SEC14L3: variants seen among roughly 807,000 people sequenced by gnomAD.
SEC14L3 encodes SEC14-like protein 3.
In SEC14L3, 56 loss-of-function variants were observed where a neutral mutation model predicts 57.4. The observed-to-expected ratio is 0.97, with a 90% CI of 0.79 to 1.22. The LOEUF is 1.22. Ranked by LOEUF, SEC14L3 falls within the 50% of genes most tolerant of loss-of-function variation. The pLI is 0.00. For synonymous variants in SEC14L3, 173 were observed against 194.4 expected (o/e 0.89, Z 0.92); for missense variants, 485 against 511.7 (o/e 0.95, Z 0.50).
At chr22:30,454,765 TA>T (rs1935062817), downstream of SEC14L3, among the ~76,000 whole-genome samples, 2 of 83,070 alleles carry the variant, frequency 2.4e-5, no homozygotes, top group African/African-American at 1.0e-4. Flanking sequence ...TAATATATAA[TA>T]TATAATATAT....
intron 4 of SEC14L3, 101 bp from the exon 5 acceptor site, chr22:30,468,797 A>G: frequency 3.1e-6 from 5 of 1,605,968 alleles, no homozygotes; most frequent in Non-Finnish European, 4.3e-6. Flanking sequence ...ACCATGGTAT[A>G]AAAAGCACTG....
rs369303021 is a variant in SEC14L3, at chr22:30,461,347, G to C, written c.1044C>G (p.Pro348=). The C allele has an allele frequency of 1.9e-6, 3 of 1,610,900 alleles. No individual in the cohort carries two copies. The highest frequency in any genetic ancestry group is 2.5e-6 in the Non-Finnish European group (3 of 1,178,464). Residue 348 remains proline, a synonymous_variant, in exon 11 of 12, where the codon CCC becomes CCG. Transcript: ENST00000215812. ...CTGAGCAGGTGAGGTTCCCATCCTCGGGCACCATGTGGGCGTTATAGCGCT... is the reference window on the plus strand; with the variant it reads ...CTGAGCAGGTGAGGTTCCCATCCTCCGGCACCATGTGGGCGTTATAGCGCT... ...PSQRYNAHMV[P]EDGNLTCSEA...
intron 12 of SEC14L3, among the ~76,000 whole-genome samples, chr22:30,454,059 T>G (rs893804314): frequency 7.9e-5 from 12 of 152,172 alleles, no homozygotes; most frequent in Non-Finnish European, 1.5e-5. Context: ...CAGGCACTCC[T>G]GGCCTTTGTT....
Position 30,466,986 on chromosome 22 carries a change from T to A in SEC14L3, c.515A>T (p.Gln172Leu). ...HFWKPLVEVY[Q>L]EFFGLLEENY... ...GGCCCTAGGACTTCTCCTTACCTCC[T>A]GGTACACTTCTACCAGAGGTTTCCA... is the stretch of plus-strand genomic sequence containing the variant. Residue 172 changes from glutamine to leucine, a missense_variant, in exon 6 of 12, where the codon CAG (glutamine) becomes CTG (leucine). Gln to Leu is a moderately radical substitution (Grantham distance 113). Transcript: ENST00000215812. 1 of 1,613,802 alleles carries A rather than the reference T, an allele frequency of 6.2e-7. No homozygotes were observed. The highest frequency in any genetic ancestry group is 8.5e-7 in the Non-Finnish European group (1 of 1,179,884).
rs1935495457 is a variant in SEC14L3 at position 30,468,519 on chromosome 22, G to A, written c.412C>T (p.Gln138Ter). 1 of 1,611,354 alleles carries A rather than the reference G, an allele frequency of 6.2e-7. No individual in the cohort carries two copies. The highest frequency in any genetic ancestry group is 8.5e-7 in the Non-Finnish European group (1 of 1,178,164). ...GGCCTGGACCTCACCCTCTCTGTCT[G>A]CAGGTCACACTCATGCAGGATGCGC... ...CERILHECDL[Q>*]TERLGKKIET... Residue 138 changes from glutamine (Q) to a stop codon, truncating the protein, a stop_gained, in exon 5 of 12, where the codon CAG becomes TAG. Transcript: ENST00000215812. LOFTEE classifies it high-confidence loss of function.
chr22:30,463,708 G>A (rs1012786900), intron 8 of SEC14L3, among the ~76,000 whole-genome samples: 1 of 152,192 alleles, frequency 6.6e-6, no homozygotes, highest in Non-Finnish European at 1.5e-5. Context: ...CTGCTTGGGA[G>A]AAGTTTTCCT....
chr22:30,454,543 T>TTATTATATATAATCTATAATAA (rs1569224935), downstream of SEC14L3, among the ~76,000 whole-genome samples: 1 of 116,428 alleles, frequency 8.6e-6, no homozygotes, highest in African/African-American at 3.6e-5. Flanking sequence ...TATAATAATA[T>TTATTATATATAATCTATAATAA]TATATATAAT....
At chr22:30,451,884 C>T (rs544029912) in intron 12 of SEC14L3, among the ~76,000 whole-genome samples, 40 of 147,198 alleles carry the variant, frequency 2.7e-4, no homozygotes, top group African/African-American at 9.3e-4. Context: ...CCCAGCTACT[C>T]GGGAGGCTGA....
At chr22:30,454,087 AC>A (rs1470867328) in intron 12 of SEC14L3, among the ~76,000 whole-genome samples, 5 of 151,790 alleles carry the variant, frequency 3.3e-5, no homozygotes, top group Non-Finnish European at 7.4e-5. Flanking sequence ...CTCTGGACTC[AC>A]CCTAGCTGTC....
chr22:30,461,487 G>C lies in SEC14L3; in HGVS notation c.912-8C>G. ...TCAGATGAGAACTGCCACCTGTCAGGGGGAGGGGGAGGAGACAGGTTGCTG... is the reference window on the plus strand; with the variant it reads ...TCAGATGAGAACTGCCACCTGTCAGCGGGAGGGGGAGGAGACAGGTTGCTG... On this transcript the variant is annotated splice_region_variant and splice_polypyrimidine_tract_variant and intron_variant, in intron 10 of 11. Transcript: ENST00000215812. The C allele has an allele frequency of 1.9e-6, 3 of 1,611,418 alleles. No homozygotes were observed. Among genetic ancestry groups the C allele is most frequent in the Non-Finnish European group, 1.7e-6 (2 of 1,177,866 alleles).
At chr22:30,456,099 C>T (rs1183100545), downstream of SEC14L3, among the ~76,000 whole-genome samples, 3 of 151,946 alleles carry the variant, frequency 2.0e-5, no homozygotes, top group Non-Finnish European at 4.4e-5. Flanking sequence ...CCTGAAGCCA[C>T]GAGTTCAAGA....
downstream of SEC14L3, among the ~76,000 whole-genome samples, chr22:30,455,082 A>AAATATTT (rs1935086865): frequency 5.5e-5 from 2 of 36,534 alleles, no homozygotes; most frequent in East Asian, 1.1e-3. Flanking sequence ...ATAATATATT[A>AAATATTT]AATATTTAAT....
chr22:30,454,300 G>A (rs535583450), downstream of SEC14L3, among the ~76,000 whole-genome samples: 3 of 152,002 alleles, frequency 2.0e-5, no homozygotes, highest in East Asian at 5.8e-4. Context: ...AAGAGGCTCT[G>A]TTTTGGTGCC....
intron 4 of SEC14L3, chr22:30,469,028 C>G (rs577551564): frequency 7.7e-7 from 1 of 1,292,374 alleles, no homozygotes; most frequent in African/African-American, 1.5e-5. Flanking sequence ...GGTTCAAAAA[C>G]AGACACTGGC....
At chr22:30,453,508 G>C (rs951180317) in intron 12 of SEC14L3, among the ~76,000 whole-genome samples, 3 of 152,164 alleles carry the variant, frequency 2.0e-5, no homozygotes, top group African/African-American at 7.2e-5. Context: ...CACCTCCCGA[G>C]TCCAAGTGAT....
In SEC14L3 at chr22:30,464,675, C is replaced by A. The variant is rs538192985; in HGVS notation, c.664+145G>T. The A allele has an allele frequency of 2.2e-5, 16 of 737,964 alleles. No individual in the cohort carries two copies. In the African/African-American group the frequency reaches 2.2e-4, roughly 10 times the overall value. The allele number at this position is 737,964 out of a possible 1,614,324, so 45.7% of individuals were successfully genotyped here. Reference sequence around the variant, plus strand: ...CAACCTCCTGATATCAAGCAATCCTCCTGCCTCAGCCTCCCAAAGTGCTGG... The same window carrying A: ...CAACCTCCTGATATCAAGCAATCCTACTGCCTCAGCCTCCCAAAGTGCTGG... On this transcript the variant is annotated intron_variant, in intron 8 of 11. Coordinates refer to ENST00000215812, the MANE Select transcript of SEC14L3 (RefSeq NM_174975.5).
chr22:30,470,404 A>G lies in SEC14L3; in HGVS notation c.130+103T>C, dbSNP rs1056987527. 10 of 1,601,976 alleles carry G rather than the reference A, an allele frequency of 6.2e-6. No individual in the cohort carries two copies. In the African/African-American group the frequency reaches 9.4e-5, roughly 15 times the overall value. ...TCTGGACCTGAACATGTGAAGCAAG[A>G]TTGTGTGGATGGACCCTGAGAGCCA... On this transcript the variant is annotated intron_variant, in intron 2 of 11. Coordinates refer to ENST00000215812, the MANE Select transcript of SEC14L3 (RefSeq NM_174975.5).
intron 8 of SEC14L3, 57 bp from the exon 9 acceptor site, chr22:30,462,249 C>T: frequency 6.5e-7 from 1 of 1,541,996 alleles, no homozygotes; most frequent in Non-Finnish European, 8.7e-7. Context: ...CAATTAGCCT[C>T]CCACACCCAC....
intron 1 of SEC14L3, among the ~76,000 whole-genome samples, 177 bp downstream of exon 1, chr22:30,471,728 G>A (rs1173956621): frequency 1.3e-5 from 2 of 152,322 alleles, no homozygotes; most frequent in East Asian, 1.9e-4. Flanking sequence ...ACCCCCGCCC[G>A]GGACAGGGTT....
Sources: gnomAD v4.1 joint callset for allele counts (sites outside exome capture counted in the v4.1 genomes callset) on GRCh38, gnomAD v4.1.1 for gene constraint, MANE v1.5 for transcripts, NCBI Gene and HGNC (gene_info 2026-07-23, HGNC 2026-07-21) for gene names.